The following CSGALNACT1 variants were observed in gnomAD, a reference collection of about 807,000 sequenced individuals.
CSGALNACT1 encodes beta4GalNAcT-1.
CSGALNACT1 carries 52 observed loss-of-function variants against 51.0 expected under a neutral mutation model. The ratio of observed to expected loss-of-function variants is 1.02; its 90% CI spans 0.82 to 1.29. The LOEUF (loss-of-function observed/expected upper bound fraction) is 1.29, where lower values mean the gene tolerates loss of function less well. Among genes scored for constraint, CSGALNACT1 ranks in the 50% most tolerant of loss-of-function variants. CSGALNACT1 has a pLI of 0.00. For synonymous variants in CSGALNACT1, 341 were observed against 254.4 expected (o/e 1.34, Z -3.24); for missense variants, 935 against 679.2 (o/e 1.38, Z -4.19).
intron 3 of CSGALNACT1, among the ~76,000 whole-genome samples, chr8:19,565,420 T>A (rs2041704007): frequency 6.6e-6 from 1 of 152,220 alleles, no homozygotes; most frequent in South Asian, 2.1e-4. Flanking sequence ...ATCATGTAAT[T>A]TTTAAAAATT....
At chr8:19,665,779 G>T (rs1185605683) in intron 1 of CSGALNACT1, among the ~76,000 whole-genome samples, 1 of 152,136 alleles carries the variant, frequency 6.6e-6, no homozygotes. Context: ...GAAGGGTTTG[G>T]TTAATTACAC....
rs1247161397 is a variant in CSGALNACT1 at position 19,484,720 on chromosome 8, T to A, written c.634+20481A>T. On this transcript the variant is annotated intron_variant, in intron 4 of 9. Transcript: ENST00000454498. ...TGTTGAAACTCTAATCCCTAGTACC[T>A]CAGAATGTTATTGTGTTTGGAGAAT... 2.0e-5 allele frequency among the ~76,000 whole-genome samples: 3 copies of A among 152,188 alleles called. No homozygotes were observed. In the East Asian group the frequency reaches 5.8e-4, roughly 29 times the overall value.
intron 5 of CSGALNACT1, among the ~76,000 whole-genome samples, chr8:19,451,613 G>A (rs373179880): frequency 2.0e-5 from 3 of 152,128 alleles, no homozygotes; most frequent in Non-Finnish European, 4.4e-5. Flanking sequence ...CCAGTACGCC[G>A]GGTGAGCTGT....
intron 4 of CSGALNACT1, among the ~76,000 whole-genome samples, chr8:19,489,338 T>C (rs571938138): frequency 3.9e-5 from 6 of 152,330 alleles, no homozygotes; most frequent in Admixed American, 1.3e-4. Flanking sequence ...ATGGTGATTA[T>C]TGTCATATTG....
At chr8:19,671,912 TCCATCTCATGAATGTA>T (rs2059822572) in intron 1 of CSGALNACT1, among the ~76,000 whole-genome samples, 1 of 152,218 alleles carries the variant, frequency 6.6e-6, no homozygotes, top group Non-Finnish European at 1.5e-5. Context: ...TGCAGAGAAT[TCCATCTCATGAATGTA>T]CCACATATGC....
intron 3 of CSGALNACT1, among the ~76,000 whole-genome samples, chr8:19,531,426 T>C (rs2958592): frequency 0.36 from 55,294 of 152,080 alleles, 10,283 homozygotes; most frequent in African/African-American, 0.42. Context: ...CCCAGCTCAG[T>C]CCTAGCTGGA....
intron 4 of CSGALNACT1, among the ~76,000 whole-genome samples, chr8:19,467,650 C>T (rs1295629977): frequency 1.3e-5 from 2 of 151,152 alleles, no homozygotes; most frequent in Non-Finnish European, 2.9e-5. Context: ...TAATTTTTTT[C>T]GCATGGCTAA....
intron 2 of CSGALNACT1, among the ~76,000 whole-genome samples, chr8:19,596,204 G>A (rs1043829390): frequency 6.6e-6 from 1 of 151,920 alleles, no homozygotes; most frequent in South Asian, 2.1e-4. Context: ...TCACATTGTG[G>A]GTCAGAAACT....
exon 10 of CSGALNACT1, chr8:19,405,698 G>C (rs761065402): frequency 1.3e-6 from 2 of 1,555,004 alleles, no homozygotes; most frequent in African/African-American, 2.7e-5. Flanking sequence ...CGTCCTTTAT[G>C]GAAGTCTTTT....
At chr8:19,478,826 G>A (rs949512660) in intron 4 of CSGALNACT1, among the ~76,000 whole-genome samples, 1 of 152,144 alleles carries the variant, frequency 6.6e-6, no homozygotes, top group African/African-American at 2.4e-5. Context: ...ATATTCAAAT[G>A]AAACAAAGTA....
At chr8:19,431,478 T>A (rs1171967902) in intron 6 of CSGALNACT1, among the ~76,000 whole-genome samples, 1 of 152,100 alleles carries the variant, frequency 6.6e-6, no homozygotes, top group Non-Finnish European at 1.5e-5. Context: ...GATTTTCGTA[T>A]ATTGAGCCAA....
At chr8:19,655,669 C>T (rs963817242) in intron 1 of CSGALNACT1, among the ~76,000 whole-genome samples, 3 of 152,138 alleles carry the variant, frequency 2.0e-5, no homozygotes, top group African/African-American at 7.2e-5. Context: ...GACCTGCCCT[C>T]AGCCTCTCAA....
intron 1 of CSGALNACT1, among the ~76,000 whole-genome samples, chr8:19,743,237 T>C (rs911680357): frequency 6.6e-6 from 1 of 152,168 alleles, no homozygotes; most frequent in African/African-American, 2.4e-5. Flanking sequence ...CCGATAACCA[T>C]ACATTACATG....
intron 8 of CSGALNACT1, among the ~76,000 whole-genome samples, chr8:19,416,178 G>A (rs965649823): frequency 3.5e-5 from 5 of 141,134 alleles, no homozygotes; most frequent in Admixed American, 7.8e-5. Flanking sequence ...GCAGTGGCAC[G>A]ATCTCGGCTC....
chr8:19,415,728 T>C (rs750466637), intron 8 of CSGALNACT1, among the ~76,000 whole-genome samples: 3 of 152,230 alleles, frequency 2.0e-5, no homozygotes, highest in Non-Finnish European at 4.4e-5. Context: ...CTATGTCAAA[T>C]GCAAAACAAC....
chr8:19,479,315 G>A (rs544022799), intron 4 of CSGALNACT1, among the ~76,000 whole-genome samples: 1 of 152,278 alleles, frequency 6.6e-6, no homozygotes, highest in South Asian at 2.1e-4. Context: ...CTTTGGATGA[G>A]AGTCTGTGCT....
intron 1 of CSGALNACT1, among the ~76,000 whole-genome samples, chr8:19,619,540 G>A (rs1236053979): frequency 1.3e-5 from 2 of 152,118 alleles, no homozygotes; most frequent in South Asian, 2.1e-4. Flanking sequence ...GAAGGTTCCA[G>A]CAGTTACCCA....
chr8:19,425,939 T>A (rs2058713357), intron 6 of CSGALNACT1, among the ~76,000 whole-genome samples: 1 of 152,272 alleles, frequency 6.6e-6, no homozygotes, highest in South Asian at 2.1e-4. Flanking sequence ...CAGTGCGCAC[T>A]CTGAGCTCCC....
At chr8:19,434,868 G>A (rs1027456599) in intron 6 of CSGALNACT1, among the ~76,000 whole-genome samples, 1 of 151,704 alleles carries the variant, frequency 6.6e-6, no homozygotes, top group African/African-American at 2.4e-5. Flanking sequence ...CAACAATGCT[G>A]CTCAAATTTC....
Sources: allele counts gnomAD v4.1 joint callset (sites outside exome capture counted in the v4.1 genomes callset), GRCh38; gene constraint gnomAD v4.1.1; transcripts MANE v1.5; gene names NCBI Gene and HGNC (gene_info 2026-07-23, HGNC 2026-07-21).